Variants in SV2B observed in about 807,000 individuals in gnomAD.
The protein encoded by SV2B is solute carrier family 22 member B2.
SV2B carries 41 observed loss-of-function variants against 73.9 expected under a neutral mutation model. The observed-to-expected ratio is 0.56, with a 90% CI of 0.43 to 0.72. The LOEUF (loss-of-function observed/expected upper bound fraction) is 0.72, where lower values mean the gene tolerates loss of function less well. Ranked by LOEUF, SV2B falls within the 30% of genes least tolerant of loss-of-function variation. The pLI, the probability that SV2B is intolerant of heterozygous loss-of-function variation, is 0.00. For synonymous variants in SV2B, 314 were observed against 314.2 expected, an observed-to-expected ratio of 1.00 and a Z score of 0.01; for missense variants, 764 against 857.8, an observed-to-expected ratio of 0.89 and a Z score of 1.37.
rs1000468152 is a variant in SV2B at position 91,223,071 on chromosome 15, C to A, written c.-391-2802C>A. Among the ~76,000 whole-genome samples, 6 of 152,108 alleles carry A rather than the reference C, an allele frequency of 3.9e-5. No individual in the cohort carries two copies. The highest frequency in any genetic ancestry group is 1.4e-4 in the African/African-American group (6 of 41,412). ...AGAGAATCTGTTGCAGGTTGGGAAG[C>A]CTTAGGCTTGTAGATGGCATTTGTC... is the stretch of plus-strand genomic sequence containing the variant. On this transcript the variant is annotated intron_variant, in intron 1 of 12. Coordinates refer to ENST00000394232, the MANE Select transcript of SV2B (RefSeq NM_001323032.3). This position sits in a 1 kb window ranked among gnomAD's most constrained non-coding sequence, Gnocchi z 4.6.
intron 2 of SV2B, 146 bp downstream of exon 2, chr15:91,226,860 ATTGAC>A (rs1421739449): frequency 2.9e-6 from 3 of 1,033,410 alleles, no homozygotes; most frequent in Non-Finnish European, 4.1e-6. Context: ...AAATCAATTG[ATTGAC>A]TTAAGTTTGC....
intron 1 of SV2B, among the ~76,000 whole-genome samples, chr15:91,202,017 C>T (rs2045477046): frequency 1.3e-5 from 2 of 152,144 alleles, no homozygotes; most frequent in Admixed American, 1.3e-4. Context: ...TGTGCTTGCC[C>T]CCTTTACTCA....
Position 91,225,922 on chromosome 15 carries a change from A to G in SV2B, c.-342A>G, listed in dbSNP as rs1287291020. ...AATCAGGCCAGCACGCAGTCTGCCA[A>G]GTCCTGCTCGCTCCCTGTCAAGAAA... is the stretch of plus-strand genomic sequence containing the variant. On this transcript the variant is annotated 5_prime_UTR_variant, in exon 2 of 13. Transcript: ENST00000394232. The G allele has an allele frequency of 1.6e-5, 5 of 318,940 alleles. No homozygotes were observed. In the East Asian group the frequency reaches 2.9e-4, roughly 18 times the overall value. The allele number at this position is 318,940 out of a possible 1,614,324, so 19.8% of individuals were successfully genotyped here.
chr15:91,299,969 G>A lies in SV2B; in HGVS notation c.*7417G>A, dbSNP rs1208528650. ...CCCAACTTCTTAAAATTAAATTTTGGGGAAGTTCATGGAGATATTTTTGAC... is the reference window on the plus strand; with the variant it reads ...CCCAACTTCTTAAAATTAAATTTTGAGGAAGTTCATGGAGATATTTTTGAC... On this transcript the variant is annotated 3_prime_UTR_variant, in exon 13 of 13. Transcript: ENST00000394232. 1 of 152,084 alleles carries A rather than the reference G, an allele frequency of 6.6e-6. No individual in the cohort carries two copies. The highest frequency in any genetic ancestry group is 1.9e-4 in the East Asian group (1 of 5,188). 9.4% of individuals were successfully genotyped at this position (152,084 alleles called of 1,614,324 possible).
rs1181562051 is a variant in SV2B at position 91,291,474 on chromosome 15, AGG to A, written c.1869-894_1869-893del. On this transcript the variant is annotated intron_variant, in intron 12 of 12. Transcript: ENST00000394232. Reference sequence around the variant, plus strand: ...GAAACGCTTTATTTCAGTTGGGGAGAGGTAGCATTGGGAATATTGCCTCTGCA... The same window carrying A: ...GAAACGCTTTATTTCAGTTGGGGAGATAGCATTGGGAATATTGCCTCTGCA... 2.4e-4 allele frequency among the ~76,000 whole-genome samples: 37 copies of A among 152,318 alleles called. 1 individual carries two copies. In the East Asian group the frequency reaches 6.7e-3, roughly 28 times the overall value.
At chr15:91,198,877 T>C (rs1312497899) in intron 1 of SV2B, among the ~76,000 whole-genome samples, 1 of 152,252 alleles carries the variant, frequency 6.6e-6, no homozygotes. Flanking sequence ...ACTCTGGGCT[T>C]CTAGGAGATG....
rs1009449615 is a variant in SV2B, at chr15:91,289,327, C to G, written c.1709-194C>G. On this transcript the variant is annotated intron_variant, in intron 11 of 12. Coordinates refer to ENST00000394232, the MANE Select transcript of SV2B (RefSeq NM_001323032.3). This position sits in a 1 kb window ranked among gnomAD's most constrained non-coding sequence, Gnocchi z 4.9. ...GGTGATCTGACCCACGCAGAGGGCTCTAATGCCATGTCTGGGGTGCCTTGT... is the reference window on the plus strand; with the variant it reads ...GGTGATCTGACCCACGCAGAGGGCTGTAATGCCATGTCTGGGGTGCCTTGT... Among the ~76,000 whole-genome samples, 7 of 152,186 alleles carry G rather than the reference C, an allele frequency of 4.6e-5. No homozygotes were observed. Among genetic ancestry groups the G allele is most frequent in the South Asian group, 2.1e-4 (1 of 4,832 alleles).
chr15:91,108,437 G>T (rs1169782075), intron 1 of SV2B, among the ~76,000 whole-genome samples: 3 of 152,212 alleles, frequency 2.0e-5, no homozygotes, highest in Non-Finnish European at 2.9e-5. Context: ...TGCCTTTGTG[G>T]CTCCCACAGA....
chr15:91,176,629 C>G (rs1041471078), intron 1 of SV2B, among the ~76,000 whole-genome samples: 9 of 151,934 alleles, frequency 5.9e-5, no homozygotes, highest in East Asian at 1.9e-4. Flanking sequence ...ATTTGCATTT[C>G]TCTGATGGCC....
chr15:91,285,302 T>G (rs946530713), intron 11 of SV2B, among the ~76,000 whole-genome samples: 2 of 152,196 alleles, frequency 1.3e-5, no homozygotes, highest in African/African-American at 2.4e-5. Context: ...CTCTTAGATA[T>G]GGCAGACTTC....
chr15:91,178,918 T>A (rs1420789904), intron 1 of SV2B, among the ~76,000 whole-genome samples: 1 of 150,238 alleles, frequency 6.7e-6, no homozygotes, highest in African/African-American at 2.5e-5. Context: ...TTTTAGTTAT[T>A]TCTTGCCTTC....
rs1411191053 is a variant in SV2B at position 91,197,894 on chromosome 15, C to A, written c.-391-27979C>A. On this transcript the variant is annotated intron_variant, in intron 1 of 12. Coordinates refer to ENST00000394232, the MANE Select transcript of SV2B (RefSeq NM_001323032.3). The surrounding 1 kb of genome is among the most constrained non-coding windows in gnomAD (Gnocchi z 4.9). ...ACAAAAAATACAAAAATTAGCCAGG[C>A]ATGGTGGGGGACCCGTGTAATCCCA... Among the ~76,000 whole-genome samples, 1 of 151,986 alleles carries A rather than the reference C, an allele frequency of 6.6e-6. No individual in the cohort carries two copies. Among genetic ancestry groups the A allele is most frequent in the African/African-American group, 2.4e-5 (1 of 41,376 alleles).
intron 1 of SV2B, among the ~76,000 whole-genome samples, chr15:91,178,152 T>G (rs1476879184): frequency 6.6e-6 from 1 of 151,608 alleles, no homozygotes; most frequent in Non-Finnish European, 1.5e-5. Flanking sequence ...GAGATAATCA[T>G]GTGGTTTTTG....
In SV2B at chr15:91,279,781, A is replaced by G. The variant is rs77921412; in HGVS notation, c.1374-1947A>G. Among the ~76,000 whole-genome samples, 1,381 of 152,362 alleles carry G rather than the reference A, an allele frequency of 9.1e-3. 17 individuals carry two copies. Among genetic ancestry groups the G allele is most frequent in the African/African-American group, 0.03 (1,239 of 41,578 alleles). ...ATATTAAGAAAAGCAAAGGTCTGCA[A>G]CAGTCTCCAGGAATAGCTCTCTTAA... On this transcript the variant is annotated intron_variant, in intron 9 of 12. Coordinates refer to ENST00000394232, the MANE Select transcript of SV2B (RefSeq NM_001323032.3).
chr15:91,266,337 C>T (rs2048100171), intron 6 of SV2B, among the ~76,000 whole-genome samples: 1 of 152,198 alleles, frequency 6.6e-6, no homozygotes, highest in Admixed American at 6.5e-5. Context: ...GCTGTCTCCT[C>T]ATATCCTCAG....
chr15:91,298,689 A>C lies in SV2B; in HGVS notation c.*6137A>C, dbSNP rs942749038. 1.3e-5 allele frequency: 2 copies of C among 152,212 alleles called. No homozygotes were observed. Among genetic ancestry groups the C allele is most frequent in the African/African-American group, 4.8e-5 (2 of 41,466 alleles). 9.4% of individuals were successfully genotyped at this position (152,212 alleles called of 1,614,324 possible). On this transcript the variant is annotated 3_prime_UTR_variant, in exon 13 of 13. Transcript: ENST00000394232. The surrounding 1 kb of genome is among the most constrained non-coding windows in gnomAD (Gnocchi z 5.4). ...ACATTTAGCTGTCCATTTACCTTTA[A>C]TCCTACAGGCTTAAAATACTTTAAA...
intron 9 of SV2B, among the ~76,000 whole-genome samples, chr15:91,276,465 T>TA (rs2048491827): frequency 6.6e-6 from 1 of 152,110 alleles, no homozygotes; most frequent in Non-Finnish European, 1.5e-5. Flanking sequence ...GTTTGATATT[T>TA]TCCCATAGCT....
rs2047919339 is a variant in SV2B, at chr15:91,261,843, A to T, written c.1008+1434A>T. On this transcript the variant is annotated intron_variant, in intron 6 of 12. Transcript: ENST00000394232. The surrounding 1 kb of genome is among the most constrained non-coding windows in gnomAD (Gnocchi z 4.7). ...TTTCTATGAAGATGGCCTGATAGTT[A>T]CAGAGACGCTGTCTTCCTGCCTGCC... Among the ~76,000 whole-genome samples the T allele has an allele frequency of 6.6e-6, 1 of 152,230 alleles. No individual in the cohort carries two copies. Among genetic ancestry groups the T allele is most frequent in the South Asian group, 2.1e-4 (1 of 4,830 alleles).
At chr15:91,260,565 T>A (rs2047873967) in intron 6 of SV2B, among the ~76,000 whole-genome samples, 156 bp downstream of exon 6, 1 of 152,264 alleles carries the variant, frequency 6.6e-6, no homozygotes, top group African/African-American at 2.4e-5. Context: ...CTTCACATTT[T>A]GATGGATATC....
Sources: allele counts gnomAD v4.1 joint callset (sites outside exome capture counted in the v4.1 genomes callset), GRCh38; gene constraint gnomAD v4.1.1; non-coding constraint Gnocchi (gnomAD v3.1); transcripts MANE v1.5; gene names NCBI Gene and HGNC (gene_info 2026-07-23, HGNC 2026-07-21).